The following FSTL4 variants were observed in gnomAD, a reference collection of about 807,000 sequenced individuals.
FSTL4 encodes the protein follistatin like 4, also known as follistatin-related protein 4.
FSTL4 carries 28 observed loss-of-function variants against 78.2 expected under a neutral mutation model. The observed-to-expected ratio is 0.36, with a 90% CI of 0.27 to 0.49. The LOEUF (loss-of-function observed/expected upper bound fraction) is 0.49, where lower values mean the gene tolerates loss of function less well. Ranked by LOEUF, FSTL4 falls within the 20% of genes least tolerant of loss-of-function variation. The pLI is 0.98. For synonymous variants in FSTL4, 422 were observed against 440.5 expected, an observed-to-expected ratio of 0.96 and a Z score of 0.53; for missense variants, 922 against 1,084.9, an observed-to-expected ratio of 0.85 and a Z score of 2.11.
chr5:133,280,465 T>C (rs2126858207), intron 6 of FSTL4, among the ~76,000 whole-genome samples: 1 of 152,252 alleles, frequency 6.6e-6, no homozygotes, highest in East Asian at 1.9e-4. Context: ...ATTTGGGACA[T>C]GGACTGGGCC....
At chr5:133,362,636 C>T (rs776234146) in intron 4 of FSTL4, among the ~76,000 whole-genome samples, 6 of 152,258 alleles carry the variant, frequency 3.9e-5, no homozygotes, top group Non-Finnish European at 7.3e-5. Flanking sequence ...CTGCTGTGTG[C>T]CTGTGCACAT....
chr5:133,219,271 C>T (rs781269487), intron 12 of FSTL4, among the ~76,000 whole-genome samples: 15 of 152,166 alleles, frequency 9.9e-5, no homozygotes, highest in Non-Finnish European at 2.2e-4. Context: ...TCTCATGCCA[C>T]CCCCCATTCT....
the FSTL4 span, among the ~76,000 whole-genome samples, chr5:133,630,305 G>T: frequency 6.6e-6 from 1 of 152,200 alleles, no homozygotes; most frequent in Non-Finnish European, 1.5e-5. Flanking sequence ...AAAGTCTCAG[G>T]ATACAAAATC....
the FSTL4 span, among the ~76,000 whole-genome samples, chr5:133,654,733 G>A: frequency 2.0e-5 from 3 of 152,184 alleles, no homozygotes; most frequent in East Asian, 3.9e-4. Context: ...TGGAGAAAGA[G>A]GACAAAGTGA....
chr5:133,811,382 C>T, the FSTL4 span, among the ~76,000 whole-genome samples: 6 of 152,140 alleles, frequency 3.9e-5, no homozygotes, highest in Non-Finnish European at 8.8e-5. Flanking sequence ...TTCCATGCAG[C>T]CTTCCTAGAT....
intron 3 of FSTL4, among the ~76,000 whole-genome samples, chr5:133,514,596 T>C (rs562977271): frequency 6.6e-6 from 1 of 152,072 alleles, no homozygotes; most frequent in East Asian, 1.9e-4. Flanking sequence ...GACAAAGACA[T>C]AGTTGTGGGA....
intron 3 of FSTL4, among the ~76,000 whole-genome samples, chr5:133,520,152 A>T (rs1434951847): frequency 1.3e-5 from 2 of 151,946 alleles, no homozygotes; most frequent in Non-Finnish European, 2.9e-5. Flanking sequence ...CTTGTTTTGC[A>T]ATGTGGCTGC....
In FSTL4 at chr5:133,199,558, G is replaced by A. The variant is rs1750253907; in HGVS notation, c.2066C>T (p.Thr689Ile). Residue 689 changes from threonine (T) to isoleucine (I), a missense_variant, in exon 16 of 16, where the codon ACA becomes ATA. Physicochemically the swap from Thr to Ile is moderately conservative, Grantham distance 89. Transcript: ENST00000265342. The surrounding 1 kb of genome is among the most constrained non-coding windows in gnomAD (Gnocchi z 4.4). ...GTCGGGGGATGTGTGTGGGGTGCCT[G>A]TTACATCACCATTGGGGCCAAGCAC... ...DSVLGPNGDVTGTPHTSPDGR... is the reference protein window; with the variant it reads ...DSVLGPNGDVIGTPHTSPDGR... The A allele has an allele frequency of 4.3e-6, 7 of 1,613,960 alleles. No individual in the cohort carries two copies. The highest frequency in any genetic ancestry group is 3.3e-5 in the South Asian group (3 of 91,074).
chr5:133,403,517 C>T (rs1756286235), intron 3 of FSTL4, among the ~76,000 whole-genome samples: 3 of 152,158 alleles, frequency 2.0e-5, no homozygotes, highest in East Asian at 1.9e-4. Flanking sequence ...TTAAGAAATG[C>T]AGAAATTTTC....
intron 3 of FSTL4, among the ~76,000 whole-genome samples, chr5:133,539,959 TTTC>T (rs1162335751): frequency 3.3e-5 from 5 of 151,964 alleles, no homozygotes; most frequent in African/African-American, 1.2e-4. Flanking sequence ...GTTTTTTTTT[TTTC>T]TTTGATGAGG....
intron 6 of FSTL4, among the ~76,000 whole-genome samples, chr5:133,267,342 G>A (rs1019566204): frequency 6.6e-6 from 1 of 152,202 alleles, no homozygotes; most frequent in Non-Finnish European, 1.5e-5. Flanking sequence ...CAGGACCCAT[G>A]AGAGGGCCTG....
chr5:133,810,942 G>A, the FSTL4 span, among the ~76,000 whole-genome samples: 8 of 152,286 alleles, frequency 5.3e-5, no homozygotes, highest in East Asian at 1.9e-4. Context: ...CTTGCAGCTC[G>A]ATTTTACAGG....
chr5:133,582,068 G>A (rs1021592843), intron 2 of FSTL4, among the ~76,000 whole-genome samples: 3 of 152,234 alleles, frequency 2.0e-5, no homozygotes, highest in East Asian at 3.9e-4. Flanking sequence ...AGTGGTGCCA[G>A]TTTCTCTTCC....
At chr5:133,709,564 C>G in the FSTL4 span, among the ~76,000 whole-genome samples, 2 of 152,256 alleles carry the variant, frequency 1.3e-5, no homozygotes, top group African/African-American at 4.8e-5. Flanking sequence ...AGCAATGGCT[C>G]GGGCCACTCT....
chr5:133,322,295 C>A (rs1424182654), intron 4 of FSTL4, among the ~76,000 whole-genome samples: 2 of 43,360 alleles, frequency 4.6e-5, no homozygotes, highest in South Asian at 9.8e-4. Flanking sequence ...ACACACACCC[C>A]CACACACACC....
the FSTL4 span, among the ~76,000 whole-genome samples, chr5:133,738,432 C>A: frequency 6.6e-6 from 1 of 152,202 alleles, no homozygotes; most frequent in African/African-American, 2.4e-5. Flanking sequence ...CCTGAACAGG[C>A]CTGGCCAAGG....
At position 133,225,294 on chromosome 5, in the gene FSTL4, G is replaced by A. The variant is rs1751294011; in HGVS notation, c.1178-10C>T. ...AGTTCGCTCCCATTGGCTGCAGACA[G>A]GACAGTGCTCAGGGTGGACTGCTCA... is the stretch of plus-strand genomic sequence containing the variant. On this transcript the variant is annotated splice_polypyrimidine_tract_variant and intron_variant, in intron 9 of 15. Transcript: ENST00000265342. This position sits in a 1 kb window ranked among gnomAD's most constrained non-coding sequence, Gnocchi z 4.6. 1 of 1,614,162 alleles carries A rather than the reference G, an allele frequency of 6.2e-7. No homozygotes were observed. Among genetic ancestry groups the A allele is most frequent in the Non-Finnish European group, 8.5e-7 (1 of 1,180,028 alleles).
Position 133,255,119 on chromosome 5 carries a change from C to T in FSTL4, c.728-5543G>A, listed in dbSNP as rs142621051. ...TGGGAAGGTTTCCAAGGTCCCTGGA[C>T]GACCAAACGTGATATGCCCAGCACT... On this transcript the variant is annotated intron_variant, in intron 6 of 15. Transcript: ENST00000265342. 1.2e-3 allele frequency among the ~76,000 whole-genome samples: 185 copies of T among 152,296 alleles called. 1 individual carries two copies. The highest frequency in any genetic ancestry group is 2.6e-3 in the African/African-American group (110 of 41,542).
chr5:133,803,120 G>A, the FSTL4 span, among the ~76,000 whole-genome samples: 1 of 152,328 alleles, frequency 6.6e-6, no homozygotes, highest in African/African-American at 2.4e-5. Flanking sequence ...ACCATCATTT[G>A]TGTTGCTGGA....
Sources: allele counts gnomAD v4.1 joint callset (sites outside exome capture counted in the v4.1 genomes callset), GRCh38; gene constraint gnomAD v4.1.1; non-coding constraint Gnocchi (gnomAD v3.1); transcripts MANE v1.5; gene names NCBI Gene and HGNC (gene_info 2026-07-23, HGNC 2026-07-21).